ASIC2: variants seen among roughly 807,000 people sequenced by gnomAD.
ASIC2 encodes acid-sensing ion channel 2.
In ASIC2, 25 loss-of-function variants were observed where a neutral mutation model predicts 57.3. The observed-to-expected ratio is 0.44, with a 90% confidence interval of 0.32 to 0.61. The LOEUF (loss-of-function observed/expected upper bound fraction) is 0.61. Among genes scored for constraint, ASIC2 ranks in the 20% least tolerant of loss-of-function variants. ASIC2 has a pLI of 0.06. For missense variants in ASIC2, 641 were observed against 738.1 expected (o/e 0.87, Z 1.52); for synonymous variants, 319 against 307.5 (o/e 1.04, Z -0.39).
chr17:34,093,025 A>T (rs1910388304), intron 1 of ASIC2, among the ~76,000 whole-genome samples: 1 of 152,178 alleles, frequency 6.6e-6, no homozygotes, highest in Non-Finnish European at 1.5e-5. Context: ...GTGTTGACAT[A>T]TGCAGCTCTG....
chr17:33,213,484 C>T (rs1856173395), intron 1 of ASIC2, among the ~76,000 whole-genome samples: 1 of 152,190 alleles, frequency 6.6e-6, no homozygotes, highest in African/African-American at 2.4e-5. Context: ...GGCCTTGCAA[C>T]AATGATGAGA....
At position 33,678,476 on chromosome 17, in the gene ASIC2, G is replaced by A. The variant is rs556352626; in HGVS notation, c.555+477502C>T. ...ACACACACACACACACACACACACT[G>A]TAGAGGTGAGGGTGTCACAGCCCAG... is the stretch of plus-strand genomic sequence containing the variant. On this transcript the variant is annotated intron_variant, in intron 1 of 9. Coordinates refer to the ASIC2 transcript ENST00000359872. 1.8e-5 allele frequency among the ~76,000 whole-genome samples: 2 copies of A among 109,226 alleles called. 1 individual carries two copies. The highest frequency in any genetic ancestry group is 5.6e-4 in the South Asian group (2 of 3,546). The allele number at this position is 109,226 out of a possible 152,430, so 71.7% of individuals were successfully genotyped here. A position where few individuals can be genotyped will look rare whatever the true frequency, so the allele number is the denominator to read the frequency against.
At chr17:33,889,064 A>G (rs1395801225) in intron 1 of ASIC2, among the ~76,000 whole-genome samples, 2 of 152,028 alleles carry the variant, frequency 1.3e-5, no homozygotes, top group Non-Finnish European at 2.9e-5. Context: ...AGGGGAACCT[A>G]CTCTTGATAG....
chr17:33,766,104 A>C (rs1351111309), intron 1 of ASIC2, among the ~76,000 whole-genome samples: 1 of 152,200 alleles, frequency 6.6e-6, no homozygotes, highest in Non-Finnish European at 1.5e-5. Context: ...CCCACGGTCA[A>C]CCACAGTCCA....
intron 1 of ASIC2, among the ~76,000 whole-genome samples, chr17:34,065,097 T>C (rs1182938119): frequency 6.6e-6 from 1 of 152,170 alleles, no homozygotes; most frequent in Non-Finnish European, 1.5e-5. Flanking sequence ...AGCAGCACAA[T>C]TCACAACTGC....
intron 1 of ASIC2, among the ~76,000 whole-genome samples, chr17:33,203,795 C>A (rs1330222380): frequency 6.6e-6 from 1 of 152,202 alleles, no homozygotes; most frequent in Non-Finnish European, 1.5e-5. Context: ...TGGCTTGCCA[C>A]TCTCTCTCTG....
intron 1 of ASIC2, among the ~76,000 whole-genome samples, chr17:34,081,786 C>G (rs542037427): frequency 6.6e-6 from 1 of 152,322 alleles, no homozygotes; most frequent in African/African-American, 2.4e-5. Context: ...GTTATATGAA[C>G]TCTGACAATT....
intron 1 of ASIC2, among the ~76,000 whole-genome samples, chr17:33,126,605 C>T (rs1012341047): frequency 1.3e-5 from 2 of 152,002 alleles, no homozygotes; most frequent in African/African-American, 4.8e-5. Flanking sequence ...GACAAGATGG[C>T]GAGATCCCAT....
Position 33,372,702 on chromosome 17 carries a change from C to G in ASIC2, c.556-260635G>C, listed in dbSNP as rs138989666. ...AGCCACATTCCCACCCCATTGGAACCGCTGGCCATTGGGATCTGGGCAGCC... is the reference window on the plus strand; with the variant it reads ...AGCCACATTCCCACCCCATTGGAACGGCTGGCCATTGGGATCTGGGCAGCC... On this transcript the variant is annotated intron_variant, in intron 1 of 9. Transcript: ENST00000359872. 1.2e-3 allele frequency among the ~76,000 whole-genome samples: 183 copies of G among 152,286 alleles called. 1 individual carries two copies. Among genetic ancestry groups the G allele is most frequent in the African/African-American group, 4.2e-3 (176 of 41,554 alleles).
intron 1 of ASIC2, among the ~76,000 whole-genome samples, chr17:33,558,914 T>C (rs1915990821): frequency 6.6e-6 from 1 of 152,110 alleles, no homozygotes; most frequent in Non-Finnish European, 1.5e-5. Flanking sequence ...CTACAGGTTA[T>C]GCACCACCAC....
intron 1 of ASIC2, among the ~76,000 whole-genome samples, chr17:33,424,249 C>T (rs1911140714): frequency 6.6e-6 from 1 of 152,188 alleles, no homozygotes; most frequent in Non-Finnish European, 1.5e-5. Flanking sequence ...CCACCTAGAA[C>T]TTTAAATAGC....
chr17:33,146,119 T>C (rs75313937), intron 1 of ASIC2, among the ~76,000 whole-genome samples: 4,518 of 152,336 alleles, frequency 0.03, 124 homozygotes, highest in East Asian at 0.13. Flanking sequence ...CTATATTTCA[T>C]GACAGAGATG....
intron 1 of ASIC2, among the ~76,000 whole-genome samples, chr17:33,428,253 A>G (rs1911285513): frequency 6.6e-6 from 1 of 152,182 alleles, no homozygotes; most frequent in African/African-American, 2.4e-5. Context: ...GCTTTAAAAA[A>G]TCTATGCACA....
chr17:33,893,422 C>T (rs953167487), intron 1 of ASIC2, among the ~76,000 whole-genome samples: 1 of 152,128 alleles, frequency 6.6e-6, no homozygotes, highest in East Asian at 1.9e-4. Context: ...TTGATTTTCT[C>T]ATCTTAAAAA....
intron 1 of ASIC2, among the ~76,000 whole-genome samples, chr17:33,273,993 G>A (rs753530308): frequency 1.3e-5 from 2 of 152,156 alleles, no homozygotes; most frequent in Non-Finnish European, 2.9e-5. Context: ...TGGTACTTAC[G>A]TCCATTTTAC....
At chr17:33,398,301 C>A (rs1910152865) in intron 1 of ASIC2, among the ~76,000 whole-genome samples, 1 of 152,108 alleles carries the variant, frequency 6.6e-6, no homozygotes. Context: ...CCACTAAATA[C>A]TTGTTGAGTG....
chr17:33,371,395 A>G (rs1308258223), intron 1 of ASIC2, among the ~76,000 whole-genome samples: 1 of 152,238 alleles, frequency 6.6e-6, no homozygotes, highest in African/African-American at 2.4e-5. Flanking sequence ...AGCATTGCTG[A>G]AAGCAAGAGG....
chr17:34,055,740 T>C (rs1908742584), intron 1 of ASIC2, among the ~76,000 whole-genome samples: 1 of 152,234 alleles, frequency 6.6e-6, no homozygotes, highest in African/African-American at 2.4e-5. Context: ...AGTATTCCGT[T>C]GTATAAATAT....
chr17:33,495,166 C>T (rs1235075464), intron 1 of ASIC2, among the ~76,000 whole-genome samples: 1 of 152,172 alleles, frequency 6.6e-6, no homozygotes, highest in East Asian at 1.9e-4. Flanking sequence ...AAGTTCTGCC[C>T]CTGAGAGTGA....
Sources: allele counts gnomAD v4.1 joint callset (sites outside exome capture counted in the v4.1 genomes callset), GRCh38; gene constraint gnomAD v4.1.1; transcripts MANE v1.5; gene names NCBI Gene and HGNC (gene_info 2026-07-23, HGNC 2026-07-21).